MYO5B: variants seen among roughly 807,000 people sequenced by gnomAD.
The protein encoded by MYO5B is myosin VB, also known as unconventional myosin-Vb.
MYO5B carries 143 observed loss-of-function variants against 229.3 expected under a neutral mutation model. The ratio of observed to expected loss-of-function variants is 0.62; its 90% confidence interval spans 0.54 to 0.72. MYO5B has a LOEUF of 0.72. MYO5B is among the 30% of genes least tolerant of loss of function. MYO5B has a pLI of 0.00. For missense variants in MYO5B, 2,321 were observed against 2,331.0 expected (o/e 1.00, Z 0.09); for synonymous variants, 918 against 885.2 (o/e 1.04, Z -0.66).
At chr18:49,979,203 C>A (rs562258057) in intron 9 of MYO5B, among the ~76,000 whole-genome samples, 1 of 152,178 alleles carries the variant, frequency 6.6e-6, no homozygotes, top group Non-Finnish European at 1.5e-5. Flanking sequence ...GCCCTCCTTC[C>A]CCCTAAGGTG....
intron 1 of MYO5B, among the ~76,000 whole-genome samples, chr18:50,111,510 T>C (rs1271908360): frequency 6.6e-6 from 1 of 152,180 alleles, no homozygotes; most frequent in Admixed American, 6.5e-5. Context: ...GTATCTCTCA[T>C]TCAAATACAT....
At chr18:50,098,637 T>G (rs1214658989) in intron 1 of MYO5B, 1 of 152,270 alleles carries the variant, frequency 6.6e-6, no homozygotes, top group African/African-American at 2.4e-5. Context: ...TGGTAGGATT[T>G]ATGCAGAAGA....
chr18:50,120,043 A>C (rs920196210), intron 1 of MYO5B, among the ~76,000 whole-genome samples: 1 of 152,244 alleles, frequency 6.6e-6, no homozygotes, highest in Admixed American at 6.5e-5. Flanking sequence ...AAAAGGCATT[A>C]AACAGAAACA....
chr18:49,912,038 C>T (rs1197432332), intron 18 of MYO5B, 24 bp downstream of exon 18: 2 of 1,595,840 alleles, frequency 1.3e-6, no homozygotes, highest in Non-Finnish European at 1.7e-6. Flanking sequence ...CAGGCCTCTC[C>T]TGGAGCTGGG....
chr18:49,876,806 C>G (rs1318592764), intron 25 of MYO5B, among the ~76,000 whole-genome samples: 1 of 152,240 alleles, frequency 6.6e-6, no homozygotes, highest in Non-Finnish European at 1.5e-5. Flanking sequence ...CAGAACCGCA[C>G]AACAGAGAGG....
intron 1 of MYO5B, among the ~76,000 whole-genome samples, chr18:50,129,132 A>C (rs2144544122): frequency 6.6e-6 from 1 of 152,294 alleles, no homozygotes; most frequent in Admixed American, 6.5e-5. Context: ...CGGTGGTGGG[A>C]GCATGGCCTG....
In MYO5B at chr18:49,996,795, A is replaced by C. The variant is rs78863057; in HGVS notation, c.613-4364T>G. Among the ~76,000 whole-genome samples, 1,515 of 152,354 alleles carry C rather than the reference A, an allele frequency of 9.9e-3. 14 individuals are homozygous for C. The highest frequency in any genetic ancestry group is 0.019 in the South Asian group (92 of 4,822). ...GTGAGCAGAATTCTGACAGTGGGAAAGAAGAAGAGATTCTATAAATATAGT... is the reference window on the plus strand; with the variant it reads ...GTGAGCAGAATTCTGACAGTGGGAACGAAGAAGAGATTCTATAAATATAGT... On this transcript the variant is annotated intron_variant, in intron 5 of 39. Coordinates refer to ENST00000285039, the MANE Select transcript of MYO5B (RefSeq NM_001080467.3).
At chr18:49,951,110 C>T (rs915971402) in intron 14 of MYO5B, among the ~76,000 whole-genome samples, 2 of 152,158 alleles carry the variant, frequency 1.3e-5, no homozygotes, top group African/African-American at 4.8e-5. Flanking sequence ...AAAGAAGTGT[C>T]ATGACTTGCT....
At chr18:50,185,192 A>ATCAT (rs2144354838) in intron 1 of MYO5B, among the ~76,000 whole-genome samples, 1 of 152,256 alleles carries the variant, frequency 6.6e-6, no homozygotes, top group East Asian at 1.9e-4. Context: ...CCAGTGATCA[A>ATCAT]TAATGTAGAG....
chr18:49,864,305 C>T lies in MYO5B; in HGVS notation c.3679G>A (p.Ala1227Thr). The T allele has an allele frequency of 6.2e-7, 1 of 1,614,194 alleles. No homozygotes were observed. Among genetic ancestry groups the T allele is most frequent in the Non-Finnish European group, 8.5e-7 (1 of 1,180,044 alleles). Residue 1227 changes from alanine to threonine, a missense_variant, in exon 28 of 40, where the codon GCC becomes ACC. Ala to Thr is a moderately conservative substitution (Grantham distance 58). This residue lies in a region of MYO5B where 2,113 missense variants were observed against 2,044.7 expected (regional missense o/e 1.03). Coordinates refer to ENST00000285039, the MANE Select transcript of MYO5B (RefSeq NM_001080467.3). ...NELRKAVADQ[A>T]TQNNSSHGSP... The stretch of plus-strand genomic sequence containing the variant: ...CCGTGGCTGGAGTTATTCTGCGTGG[C>T]TTGGTCGGCCACGGCTTTCCTCAGC...
chr18:49,901,381 C>T (rs984512323), intron 21 of MYO5B, among the ~76,000 whole-genome samples: 9 of 152,166 alleles, frequency 5.9e-5, no homozygotes, highest in Non-Finnish European at 8.8e-5. Context: ...GTGCTTGTCT[C>T]GAATCTCTTG....
intron 22 of MYO5B, among the ~76,000 whole-genome samples, chr18:49,884,384 T>C (rs959379112): frequency 2.0e-5 from 3 of 152,056 alleles, no homozygotes; most frequent in Non-Finnish European, 2.9e-5. Context: ...TACATTGTAA[T>C]ATACAATTAA....
intron 27 of MYO5B, 152 bp from the exon 28 acceptor site, chr18:49,864,532 C>G: frequency 8.9e-7 from 1 of 1,121,126 alleles, no homozygotes. Context: ...CATCAGCAAG[C>G]AGTCAAAGCT....
chr18:49,966,657 A>G (rs1405210755), intron 10 of MYO5B, among the ~76,000 whole-genome samples: 15 of 152,270 alleles, frequency 9.9e-5, no homozygotes, highest in Non-Finnish European at 2.2e-4. Context: ...GAGGATTTAA[A>G]TATCTCAGAC....
chr18:49,964,579 T>C (rs1175133555), intron 10 of MYO5B, among the ~76,000 whole-genome samples: 1 of 152,210 alleles, frequency 6.6e-6, no homozygotes, highest in Non-Finnish European at 1.5e-5. Flanking sequence ...CACAGCTCTT[T>C]GGTCAACTGT....
chr18:49,930,426 A>C (rs377290323), intron 16 of MYO5B, among the ~76,000 whole-genome samples: 84 of 152,342 alleles, frequency 5.5e-4, no homozygotes, highest in African/African-American at 2.0e-3. Context: ...TATGTTTTTA[A>C]ACATATATTG....
rs767452828 is a variant in MYO5B, at chr18:50,055,373, T to C, written c.33A>G (p.Thr11=). The change falls in exon 2 of 40, where the codon ACA becomes ACG. Residue 11 remains threonine, a synonymous_variant. Coordinates refer to ENST00000285039, the MANE Select transcript of MYO5B (RefSeq NM_001080467.3). MSVGELYSQC[T]RVWIPDPDEV... The stretch of plus-strand genomic sequence containing the variant: ...CATCAGGGTCAGGGATCCAGACCCT[T>C]GTGCACTGAAAGATTAAAACAGAAG... 1.2e-6 allele frequency: 2 copies of C among 1,612,372 alleles called. No homozygotes were observed. The highest frequency in any genetic ancestry group is 2.7e-5 in the African/African-American group (2 of 74,838).
chr18:50,186,947 C>T (rs1004439058), intron 1 of MYO5B, among the ~76,000 whole-genome samples: 3 of 152,194 alleles, frequency 2.0e-5, no homozygotes, highest in Non-Finnish European at 2.9e-5. Context: ...CAGACAACTG[C>T]ATTTCTTCAT....
rs1167361519 is a variant in MYO5B, at chr18:49,865,961, C to T, written c.3604-1581G>A. 5.9e-5 allele frequency among the ~76,000 whole-genome samples: 9 copies of T among 152,222 alleles called. No individual in the cohort carries two copies. The East Asian group carries it at 1.5e-3, about 26-fold the overall frequency. ...CTCTCCTCTCCACTCCCCTCTCCTC[C>T]CCCACAGGTTCACTACCATTCCCTC... On this transcript the variant is annotated intron_variant, in intron 27 of 39. Coordinates refer to ENST00000285039, the MANE Select transcript of MYO5B (RefSeq NM_001080467.3).
Sources: allele counts gnomAD v4.1 joint callset (sites outside exome capture counted in the v4.1 genomes callset), GRCh38; gene constraint gnomAD v4.1.1; regional missense constraint gnomAD v4.1.1; transcripts MANE v1.5; gene names NCBI Gene and HGNC (gene_info 2026-07-23, HGNC 2026-07-21).